Variants in MGAT4A observed in about 807,000 individuals in gnomAD.
MGAT4A encodes the protein N-acetylglucosaminyltransferase IVa.
MGAT4A carries 33 observed loss-of-function variants against 74.1 expected under a neutral mutation model. The observed-to-expected ratio is 0.45, with a 90% CI of 0.34 to 0.60. MGAT4A has a LOEUF of 0.60. Among genes scored for constraint, MGAT4A ranks in the 20% least tolerant of loss-of-function variants. The pLI, the probability that MGAT4A is intolerant of heterozygous loss-of-function variation, is 0.02. For synonymous variants in MGAT4A, 198 were observed against 210.4 expected (o/e 0.94, Z 0.51); for missense variants, 479 against 628.3 (o/e 0.76, Z 2.54).
At position 98,624,978 on chromosome 2, in the gene MGAT4A, G is replaced by T; in HGVS notation, c.*588C>A. 1.0e-6 allele frequency: 1 copy of T among 985,322 alleles called. No individual in the cohort carries two copies. Among genetic ancestry groups the T allele is most frequent in the Non-Finnish European group, 1.2e-6 (1 of 829,536 alleles). The allele number at this position is 985,322 out of a possible 1,614,324, so 61.0% of individuals were successfully genotyped here. On this transcript the variant is annotated 3_prime_UTR_variant, in exon 16 of 16. Coordinates refer to ENST00000393487, the MANE Select transcript of MGAT4A (RefSeq NM_012214.3). ...TTAAATGGCAGTGCATTTGAAAAAT[G>T]GCATTGGTTTGTAATGTTTGCATTT...
At chr2:98,715,870 T>C (rs188201808) in intron 2 of MGAT4A, among the ~76,000 whole-genome samples, 1 of 152,232 alleles carries the variant, frequency 6.6e-6, no homozygotes, top group Non-Finnish European at 1.5e-5. Context: ...AAACAGGATA[T>C]TGGCTTCCAC....
At chr2:98,681,687 A>G (rs1702062330) in intron 2 of MGAT4A, among the ~76,000 whole-genome samples, 1 of 152,122 alleles carries the variant, frequency 6.6e-6, no homozygotes, top group Admixed American at 6.5e-5. Context: ...CGGGCGTGAT[A>G]GCTCACCCTT....
At chr2:98,630,104 T>C (rs1054206096) in intron 14 of MGAT4A, among the ~76,000 whole-genome samples, 2 of 152,304 alleles carry the variant, frequency 1.3e-5, no homozygotes, top group African/African-American at 4.8e-5. Flanking sequence ...AGTTGAAGAT[T>C]TGCTTCTCTT....
At chr2:98,730,934 C>G (rs1345167420) in intron 1 of MGAT4A, 114 bp downstream of exon 1, 1 of 147,298 alleles carries the variant, frequency 6.8e-6, no homozygotes, top group East Asian at 2.0e-4. Context: ...CTCCCGCAGC[C>G]CGGGGCCGCC....
Position 98,636,175 on chromosome 2 carries a change from T to C in MGAT4A, c.1401+342A>G, listed in dbSNP as rs1386091849. ...TCCTGGCTAATTTTTGTATTTTTAG[T>C]AGAGATGGGGTTTTGTCATGTTGGC... On this transcript the variant is annotated intron_variant, in intron 13 of 15. Coordinates refer to ENST00000393487, the MANE Select transcript of MGAT4A (RefSeq NM_012214.3). 3.3e-5 allele frequency among the ~76,000 whole-genome samples: 5 copies of C among 151,888 alleles called. No homozygotes were observed. In the East Asian group the frequency reaches 5.9e-4, roughly 18 times the overall value.
Position 98,620,184 on chromosome 2 carries a change from A to C in MGAT4A, c.*5382T>G, listed in dbSNP as rs1701026995. The C allele has an allele frequency of 6.6e-6, 1 of 152,214 alleles. No homozygotes were observed. The highest frequency in any genetic ancestry group is 2.1e-4 in the South Asian group (1 of 4,824). The allele number at this position is 152,214 out of a possible 1,614,324, so 9.4% of individuals were successfully genotyped here. ...AATCCTCAGTTTGGTTGGGTCTTTA[A>C]AAAATACCTTTTTAGCATTGTATGA... On this transcript the variant is annotated 3_prime_UTR_variant, in exon 16 of 16. Coordinates refer to ENST00000393487, the MANE Select transcript of MGAT4A (RefSeq NM_012214.3).
chr2:98,700,567 T>C (rs948912467), intron 2 of MGAT4A, among the ~76,000 whole-genome samples: 2 of 152,230 alleles, frequency 1.3e-5, no homozygotes, highest in East Asian at 3.9e-4. Context: ...ATTAACTTTT[T>C]AAAGATGTAT....
chr2:98,701,026 A>G (rs1434342859), intron 2 of MGAT4A, among the ~76,000 whole-genome samples: 1 of 152,218 alleles, frequency 6.6e-6, no homozygotes, highest in African/African-American at 2.4e-5. Context: ...AATAGAATAC[A>G]GCTGAGTTCT....
At chr2:98,719,628 C>T (rs761059507) in intron 2 of MGAT4A, among the ~76,000 whole-genome samples, 22 of 152,008 alleles carry the variant, frequency 1.4e-4, no homozygotes, top group African/African-American at 5.1e-4. Context: ...ACTAGATGAA[C>T]TAGATGTTGG....
At chr2:98,721,710 A>G (rs1222299262) in intron 2 of MGAT4A, among the ~76,000 whole-genome samples, 1 of 152,164 alleles carries the variant, frequency 6.6e-6, no homozygotes, top group Non-Finnish European at 1.5e-5. Flanking sequence ...GTATAAATCT[A>G]AAGCTGATTC....
At chr2:98,664,050 T>C (rs759979311) in intron 4 of MGAT4A, among the ~76,000 whole-genome samples, 1 of 151,592 alleles carries the variant, frequency 6.6e-6, no homozygotes, top group Non-Finnish European at 1.5e-5. Context: ...CTACTAAAAA[T>C]ACAAAAATTA....
chr2:98,714,416 G>C (rs1702563890), intron 2 of MGAT4A, among the ~76,000 whole-genome samples: 2 of 152,160 alleles, frequency 1.3e-5, no homozygotes, highest in Admixed American at 6.5e-5. Flanking sequence ...TCGGAGGCAG[G>C]ACTTACAAAT....
chr2:98,701,468 C>T (rs1702355118), intron 2 of MGAT4A, among the ~76,000 whole-genome samples: 1 of 152,090 alleles, frequency 6.6e-6, no homozygotes, highest in Non-Finnish European at 1.5e-5. Context: ...CAGTGTAGTC[C>T]CCTCTCATAT....
At position 98,731,001 on chromosome 2, in the gene MGAT4A, C is replaced by T. The variant is rs1356156201; in HGVS notation, c.-236+47G>A. 1.4e-5 allele frequency: 2 copies of T among 143,396 alleles called. No individual in the cohort carries two copies. Among genetic ancestry groups the T allele is most frequent in the South Asian group, 1.8e-4 (1 of 5,458 alleles). 8.9% of individuals were successfully genotyped at this position (143,396 alleles called of 1,614,324 possible). ...GCGCCCTCCGCGCAGCCGCCCCGCGCCCCCTCCCGCCCCCGCGCGCCGCCG... is the reference window on the plus strand; with the variant it reads ...GCGCCCTCCGCGCAGCCGCCCCGCGTCCCCTCCCGCCCCCGCGCGCCGCCG... On this transcript the variant is annotated intron_variant, in intron 1 of 15. Coordinates refer to ENST00000393487, the MANE Select transcript of MGAT4A (RefSeq NM_012214.3). The surrounding 1 kb of genome is among the most constrained non-coding windows in gnomAD (Gnocchi z 4.8).
At chr2:98,672,123 A>C (rs945327580) in intron 4 of MGAT4A, among the ~76,000 whole-genome samples, 2 of 152,108 alleles carry the variant, frequency 1.3e-5, no homozygotes, top group African/African-American at 2.4e-5. Context: ...ATAGAACACC[A>C]ACACACCCAT....
At chr2:98,680,106 T>C (rs1198821183) in intron 2 of MGAT4A, among the ~76,000 whole-genome samples, 2 of 145,822 alleles carry the variant, frequency 1.4e-5, no homozygotes, top group Non-Finnish European at 3.0e-5. Flanking sequence ...AGTGGCGCGA[T>C]CTCGGCTCAC....
intron 2 of MGAT4A, among the ~76,000 whole-genome samples, chr2:98,725,244 A>G (rs1318502123): frequency 6.6e-6 from 1 of 152,232 alleles, no homozygotes; most frequent in Non-Finnish European, 1.5e-5. Context: ...ACTCAGAGAA[A>G]GACAAAGAAG....
intron 12 of MGAT4A, among the ~76,000 whole-genome samples, chr2:98,639,485 C>A (rs1423097807): frequency 6.6e-6 from 1 of 152,046 alleles, no homozygotes; most frequent in Non-Finnish European, 1.5e-5. Context: ...GATCAATTTT[C>A]AAGGGACATA....
intron 2 of MGAT4A, among the ~76,000 whole-genome samples, chr2:98,715,507 A>G (rs1471712285): frequency 6.6e-6 from 1 of 152,124 alleles, no homozygotes; most frequent in Non-Finnish European, 1.5e-5. Context: ...AGGGACACAG[A>G]TGGAGCTGGA....
Sources: gnomAD v4.1 joint callset for allele counts (sites outside exome capture counted in the v4.1 genomes callset) on GRCh38, gnomAD v4.1.1 for gene constraint, Gnocchi (gnomAD v3.1) non-coding constraint, MANE v1.5 for transcripts, NCBI Gene and HGNC (gene_info 2026-07-23, HGNC 2026-07-21) for gene names.